Variants in FNBP1 observed in about 807,000 individuals in gnomAD.
FNBP1 encodes formin-binding protein 1.
Under a neutral mutation model 90.6 loss-of-function variants are expected in FNBP1, and 26 were observed. The observed-to-expected ratio is 0.29, with a 90% CI of 0.21 to 0.40. The LOEUF is 0.40. Ranked by LOEUF, FNBP1 falls within the 10% of genes least tolerant of loss-of-function variation. The pLI is 1.00. For missense variants in FNBP1, 635 were observed against 768.0 expected, an observed-to-expected ratio of 0.83 and a Z score of 2.05; for synonymous variants, 260 against 265.2, an observed-to-expected ratio of 0.98 and a Z score of 0.19.
chr9:129,994,966 A>C lies in FNBP1; in HGVS notation c.25-8T>G. The C allele has an allele frequency of 7.6e-7, 1 of 1,309,618 alleles. No homozygotes were observed. The highest frequency in any genetic ancestry group is 1.2e-5 in the South Asian group (1 of 81,942). 81.1% of individuals were successfully genotyped at this position (1,309,618 alleles called of 1,614,324 possible). ...TAAGTTGTCAAACTGATCCTGTTGA[A>C]ACAAACCAAGAGAGAAGTTATGGTC... On this transcript the variant is annotated splice_region_variant and splice_polypyrimidine_tract_variant and intron_variant, in intron 1 of 16. Transcript: ENST00000446176.
At chr9:129,912,647 T>C (rs7025726) in intron 11 of FNBP1, among the ~76,000 whole-genome samples, 116,363 of 149,414 alleles carry the variant, frequency 0.78, 45,665 homozygotes, top group East Asian at 0.92. Context: ...GAGATTGCGC[T>C]ACTGCGCACT....
At chr9:129,956,279 C>T (rs2046932941) in intron 6 of FNBP1, among the ~76,000 whole-genome samples, 1 of 152,168 alleles carries the variant, frequency 6.6e-6, no homozygotes, top group African/African-American at 2.4e-5. Flanking sequence ...ATAGTTCACA[C>T]CATTTCCCAA....
At chr9:129,944,830 G>A (rs1007242119) in intron 6 of FNBP1, among the ~76,000 whole-genome samples, 1 of 152,140 alleles carries the variant, frequency 6.6e-6, no homozygotes, top group South Asian at 2.1e-4. Context: ...CCACTTCCAC[G>A]TAATACAAAG....
chr9:129,899,823 G>GAAGGGA, intron 15 of FNBP1, 142 bp downstream of exon 15: 1 of 630,320 alleles, frequency 1.6e-6, no homozygotes. Context: ...AGGGGAAGGG[G>GAAGGGA]AAGGGAAGGT....
chr9:130,027,078 GA>G (rs1200122065), intron 1 of FNBP1, among the ~76,000 whole-genome samples: 1 of 152,096 alleles, frequency 6.6e-6, no homozygotes, highest in African/African-American at 2.4e-5. Context: ...ATTTGGGGGG[GA>G]AATGGCAAAA....
chr9:130,017,685 C>T (rs2057375372), intron 1 of FNBP1, among the ~76,000 whole-genome samples: 1 of 151,568 alleles, frequency 6.6e-6, no homozygotes, highest in African/African-American at 2.4e-5. Flanking sequence ...CAAAAATTAC[C>T]CAGGTATGGT....
intron 1 of FNBP1, among the ~76,000 whole-genome samples, chr9:130,030,447 A>T (rs1409415710): frequency 6.6e-6 from 1 of 152,066 alleles, no homozygotes; most frequent in African/African-American, 2.4e-5. Flanking sequence ...AAAAAAAAAA[A>T]AAAAATCTAA....
intron 10 of FNBP1, among the ~76,000 whole-genome samples, chr9:129,918,125 T>A (rs1244537614): frequency 2.0e-5 from 3 of 152,222 alleles, no homozygotes; most frequent in African/African-American, 7.2e-5. Flanking sequence ...AAATATTGTA[T>A]AGGAAGATTA....
intron 4 of FNBP1, among the ~76,000 whole-genome samples, chr9:129,976,590 G>C (rs2050342390): frequency 6.6e-6 from 1 of 152,136 alleles, no homozygotes; most frequent in South Asian, 2.1e-4. Flanking sequence ...CAAGCGCCCT[G>C]GCTGCTCTCT....
chr9:130,047,894 T>C (rs1006595297), upstream of FNBP1, among the ~76,000 whole-genome samples: 2 of 152,138 alleles, frequency 1.3e-5, no homozygotes, highest in African/African-American at 4.8e-5. Flanking sequence ...TAGCTGTAGA[T>C]AGATATGAGA....
At chr9:130,048,686 G>A in the FNBP1 span, among the ~76,000 whole-genome samples, 1 of 150,718 alleles carries the variant, frequency 6.6e-6, no homozygotes, top group South Asian at 2.1e-4. Flanking sequence ...CACCATGTTA[G>A]CCAGGATGGT....
intron 10 of FNBP1, among the ~76,000 whole-genome samples, chr9:129,917,051 C>T (rs916549062): frequency 3.9e-5 from 6 of 151,986 alleles, no homozygotes; most frequent in African/African-American, 7.3e-5. Flanking sequence ...CTCACACTAT[C>T]GCCCAGGCAG....
intron 1 of FNBP1, 37 bp from the exon 2 acceptor site, chr9:129,994,995 C>T: frequency 1.1e-6 from 1 of 923,822 alleles, no homozygotes; most frequent in Middle Eastern, 2.1e-4. Context: ...TATGGTCTTT[C>T]CCTGTGATTA....
chr9:129,903,145 G>T, intron 12 of FNBP1, 144 bp from the exon 13 acceptor site: 1 of 745,902 alleles, frequency 1.3e-6, no homozygotes, highest in Non-Finnish European at 2.1e-6. Flanking sequence ...TTCACCTCCA[G>T]GGTTCAAGCA....
chr9:130,035,101 A>T (rs1388141643), intron 1 of FNBP1, among the ~76,000 whole-genome samples: 2 of 152,094 alleles, frequency 1.3e-5, no homozygotes, highest in Admixed American at 6.5e-5. Context: ...GTGAGTCGAG[A>T]TCGTGCCACT....
At chr9:129,950,044 G>A (rs2045938019) in intron 6 of FNBP1, among the ~76,000 whole-genome samples, 1 of 152,124 alleles carries the variant, frequency 6.6e-6, no homozygotes, top group Non-Finnish European at 1.5e-5. Flanking sequence ...CGGGAACTGG[G>A]GGAGAAACAT....
upstream of FNBP1, chr9:130,045,215 T>A (rs1004467442): frequency 6.6e-6 from 1 of 152,178 alleles, no homozygotes; most frequent in African/African-American, 2.4e-5. Flanking sequence ...TATATAACAA[T>A]GAGAACGGCC....
chr9:130,036,027 A>T (rs1327808186), intron 1 of FNBP1, among the ~76,000 whole-genome samples: 1 of 152,228 alleles, frequency 6.6e-6, no homozygotes, highest in Non-Finnish European at 1.5e-5. Context: ...TCATTAAAAA[A>T]AAAAGTTTTT....
intron 11 of FNBP1, among the ~76,000 whole-genome samples, chr9:129,912,704 A>AAC (rs1564307262): frequency 6.6e-6 from 1 of 151,534 alleles, no homozygotes; most frequent in East Asian, 1.9e-4. Flanking sequence ...AAAAAAAAAA[A>AAC]AAAAAGTCAC....
Sources: allele counts gnomAD v4.1 joint callset (sites outside exome capture counted in the v4.1 genomes callset), GRCh38; gene constraint gnomAD v4.1.1; transcripts MANE v1.5; gene names NCBI Gene and HGNC (gene_info 2026-07-23, HGNC 2026-07-21).